Variants in SSC5D observed in about 807,000 individuals in gnomAD.
The protein encoded by SSC5D is scavenger receptor cysteine rich family member with 5 domains.
In SSC5D, 106 loss-of-function variants were observed where a neutral mutation model predicts 104.6. The observed-to-expected ratio is 1.01, with a 90% CI of 0.87 to 1.19. The LOEUF is 1.19. SSC5D is among the 50% of genes most tolerant of loss of function. SSC5D has a pLI of 0.00. For synonymous variants in SSC5D, 860 were observed against 883.5 expected (o/e 0.97, Z 0.47); for missense variants, 1,993 against 2,153.8 (o/e 0.93, Z 1.48).
intron 12 of SSC5D, among the ~76,000 whole-genome samples, chr19:55,512,299 G>GTA (rs1341148580): frequency 1.4e-5 from 2 of 142,328 alleles, no homozygotes; most frequent in Non-Finnish European, 3.0e-5. Context: ...ATACATATAT[G>GTA]TATATATATT....
chr19:55,516,459 T>C (rs1294497832), intron 13 of SSC5D, among the ~76,000 whole-genome samples: 2 of 150,450 alleles, frequency 1.3e-5, no homozygotes, highest in African/African-American at 4.9e-5. Context: ...ATCACGCCAC[T>C]GCACTCCAGC....
chr19:55,489,405 T>C lies in SSC5D; in HGVS notation c.104T>C (p.Val35Ala), dbSNP rs1159932978. ...GPHGCAGRLE[V>A]WHGGRWGTVC... Reference sequence around the variant, plus strand: ...CATGGGTGCGCTGGCCGCCTGGAGGTCTGGCATGGCGGGCGCTGGGGCACC... The same window carrying C: ...CATGGGTGCGCTGGCCGCCTGGAGGCCTGGCATGGCGGGCGCTGGGGCACC... The change falls in exon 3 of 14, where the codon GTC (valine) becomes GCC (alanine). Residue 35 changes from valine (V) to alanine (A), a missense_variant. Around this residue, in one of 6 missense-constraint regions of SSC5D, gnomAD observed 1,101 missense variants for 1,085.0 expected, o/e 1.01. Coordinates refer to ENST00000389623, the MANE Select transcript of SSC5D (RefSeq NM_001144950.2). The C allele has an allele frequency of 6.7e-7, 1 of 1,489,496 alleles. No individual in the cohort carries two copies. Among genetic ancestry groups the C allele is most frequent in the Non-Finnish European group, 8.9e-7 (1 of 1,126,574 alleles). 92.3% of individuals were successfully genotyped at this position (1,489,496 alleles called of 1,614,324 possible). A position where few individuals can be genotyped will look rare whatever the true frequency, so the allele number is the denominator to read the frequency against.
intron 8 of SSC5D, among the ~76,000 whole-genome samples, chr19:55,495,233 A>ATATATTTATATATTTATTTTTTTTTT (rs1555765051): frequency 2.0e-5 from 1 of 50,668 alleles, no homozygotes; most frequent in African/African-American, 9.8e-5. Flanking sequence ...ATATATATAT[A>ATATATTTATATATTTATTTTTTTTTT]TTTTTTTTTT....
chr19:55,500,002 G>A lies in SSC5D; in HGVS notation c.1892G>A (p.Trp631Ter), dbSNP rs1348141061. 1 of 1,551,728 alleles carries A rather than the reference G, an allele frequency of 6.4e-7. No homozygotes were observed. The highest frequency in any genetic ancestry group is 1.2e-5 in the South Asian group (1 of 84,048). Residue 631 changes from tryptophan to a stop codon, truncating the protein, a stop_gained, in exon 10 of 14, where the codon TGG becomes TAG. Transcript: ENST00000389623. LOFTEE classifies it high-confidence loss of function. The surrounding 1 kb of genome is among the most constrained non-coding windows in gnomAD (Gnocchi z 4.6). ...AAAATGCCTAAGAGTACTAAGAAGT[G>A]GGTGACAAAAAATGCAAAGAGACCA... ...PGKMPKSTKK[W>*]VTKNAKRPTT... is the part of the protein sequence containing the mutation.
Position 55,499,344 on chromosome 19 carries a change from CG to C in SSC5D, c.1706-470del, listed in dbSNP as rs536206636. ...GAGGCATCACCTCTGCTGGAAGCTA[CG>C]GCTCTTCCCTCTGTCCCCGTCTTCC... On this transcript the variant is annotated intron_variant, in intron 9 of 13. Coordinates refer to ENST00000389623, the MANE Select transcript of SSC5D (RefSeq NM_001144950.2). Among the ~76,000 whole-genome samples the C allele has an allele frequency of 3.2e-4, 48 of 152,344 alleles. 2 individuals carry two copies. Among genetic ancestry groups the C allele is most frequent in the African/African-American group, 1.1e-3 (44 of 41,578 alleles).
chr19:55,506,433 C>T lies in SSC5D; in HGVS notation c.2785+5232C>T, dbSNP rs185070829. The stretch of plus-strand genomic sequence containing the variant: ...TTTTTGAGACGGAGTCTCGCTCTGT[C>T]GCCCAGGCTGGAGTGCAGTGGCGTG... On this transcript the variant is annotated intron_variant, in intron 12 of 13. Transcript: ENST00000389623. Among the ~76,000 whole-genome samples, 299 of 116,744 alleles carry T rather than the reference C, an allele frequency of 2.6e-3. 2 individuals are homozygous for T. Among genetic ancestry groups the T allele is most frequent in the African/African-American group, 9.0e-3 (271 of 30,000 alleles). 76.6% of individuals were successfully genotyped at this position (116,744 alleles called of 152,430 possible). A position where few individuals can be genotyped will look rare whatever the true frequency, so the allele number is the denominator to read the frequency against.
chr19:55,488,983 C>T (rs1386003727), intron 1 of SSC5D, 23 bp from the exon 2 acceptor site: 1 of 1,305,704 alleles, frequency 7.7e-7, no homozygotes, highest in Non-Finnish European at 9.8e-7. Flanking sequence ...TCACACTGCC[C>T]CACCCTCCGC....
intron 12 of SSC5D, among the ~76,000 whole-genome samples, chr19:55,511,569 A>G (rs995884772): frequency 3.3e-5 from 5 of 152,176 alleles, no homozygotes; most frequent in African/African-American, 1.2e-4. Context: ...CCTTGTACCC[A>G]TGAATCCCTG....
chr19:55,504,514 T>G (rs961335476), intron 12 of SSC5D, among the ~76,000 whole-genome samples: 1 of 152,198 alleles, frequency 6.6e-6, no homozygotes, highest in African/African-American at 2.4e-5. Context: ...TATTTATTAT[T>G]TATTGAGACG....
At position 55,490,342 on chromosome 19, in the gene SSC5D, A is replaced by T; in HGVS notation, c.520A>T (p.Ser174Cys). 6.6e-7 allele frequency: 1 copy of T among 1,509,122 alleles called. No homozygotes were observed. The highest frequency in any genetic ancestry group is 9.0e-7 in the Non-Finnish European group (1 of 1,114,212). The allele number at this position is 1,509,122 out of a possible 1,614,324, so 93.5% of individuals were successfully genotyped here. A position where few individuals can be genotyped will look rare whatever the true frequency, so the allele number is the denominator to read the frequency against. ...GNPQNASRKKSPRPKQAKSTR... is the reference protein window; with the variant it reads ...GNPQNASRKKCPRPKQAKSTR... ...CCCCCAGAACGCCTCCCGGAAGAAG[A>T]GCCCCCGGCCCAAGCAGGCCAAGTC... The change falls in exon 5 of 14, where the codon AGC becomes TGC. Residue 174 changes from serine to cysteine, a missense_variant. By Grantham distance (112) the Ser-to-Cys change is moderately radical. This residue lies in a region of SSC5D where 1,101 missense variants were observed against 1,085.0 expected (regional missense o/e 1.01). Coordinates refer to ENST00000389623, the MANE Select transcript of SSC5D (RefSeq NM_001144950.2).
At chr19:55,507,079 G>A (rs1987651442) in intron 12 of SSC5D, among the ~76,000 whole-genome samples, 2 of 151,986 alleles carry the variant, frequency 1.3e-5, no homozygotes, top group Admixed American at 1.3e-4. Flanking sequence ...TGAGGCAGGA[G>A]AATCGCTTGA....
At chr19:55,493,383 C>T (rs1461185580) in intron 6 of SSC5D, among the ~76,000 whole-genome samples, 4 of 152,228 alleles carry the variant, frequency 2.6e-5, no homozygotes, top group Non-Finnish European at 5.9e-5. Context: ...CCCCAGCCCC[C>T]ACCGCCCCAA....
At chr19:55,511,267 C>T (rs572377711) in intron 12 of SSC5D, among the ~76,000 whole-genome samples, 3 of 152,158 alleles carry the variant, frequency 2.0e-5, no homozygotes, top group African/African-American at 4.8e-5. Flanking sequence ...GTTCTATCAG[C>T]GTGCAGTGTC....
chr19:55,496,469 T>C (rs1987328824), intron 8 of SSC5D, among the ~76,000 whole-genome samples: 1 of 152,202 alleles, frequency 6.6e-6, no homozygotes, highest in Admixed American at 6.5e-5. Context: ...AGAGGTCTCG[T>C]TCCCCTTTTC....
rs1472807296 is a variant in SSC5D, at chr19:55,500,901, G to C, written c.2617+97G>C. On this transcript the variant is annotated intron_variant, in intron 11 of 13. Coordinates refer to ENST00000389623, the MANE Select transcript of SSC5D (RefSeq NM_001144950.2). The surrounding 1 kb of genome is among the most constrained non-coding windows in gnomAD (Gnocchi z 4.6). The stretch of plus-strand genomic sequence containing the variant: ...TGACGGCACCATGGTCGACTCTAAA[G>C]AACTGGGTATGAGGGGTCGGGGTGG... 3.4e-6 allele frequency: 5 copies of C among 1,491,634 alleles called. No individual in the cohort carries two copies. The highest frequency in any genetic ancestry group is 1.8e-6 in the Non-Finnish European group (2 of 1,106,398). 92.4% of individuals were successfully genotyped at this position (1,491,634 alleles called of 1,614,324 possible).
chr19:55,515,116 G>A (rs552043079), intron 13 of SSC5D, among the ~76,000 whole-genome samples: 7 of 152,264 alleles, frequency 4.6e-5, no homozygotes, highest in African/African-American at 1.4e-4. Context: ...TAAGAGCACC[G>A]GGCATGGTGG....
chr19:55,492,953 C>T (rs1329387881), intron 6 of SSC5D: 1 of 152,024 alleles, frequency 6.6e-6, no homozygotes, highest in East Asian at 1.9e-4. Context: ...TTCCTTGGGT[C>T]CAGGAGGTCG....
chr19:55,515,625 G>C (rs969306131), intron 13 of SSC5D, among the ~76,000 whole-genome samples: 8 of 151,680 alleles, frequency 5.3e-5, no homozygotes, highest in African/African-American at 1.9e-4. Context: ...CCAGCTTCTC[G>C]GGAGGCTGAG....
intron 1 of SSC5D, 37 bp from the exon 2 acceptor site, chr19:55,488,969 C>T: frequency 9.2e-7 from 1 of 1,086,224 alleles, no homozygotes; most frequent in Non-Finnish European, 1.1e-6. Context: ...CCCCGGCCTG[C>T]CCCTCACACT....
Sources: gnomAD v4.1 joint callset for allele counts (sites outside exome capture counted in the v4.1 genomes callset) on GRCh38, gnomAD v4.1.1 for gene constraint, gnomAD v4.1.1 regional missense constraint, Gnocchi (gnomAD v3.1) non-coding constraint, MANE v1.5 for transcripts, NCBI Gene and HGNC (gene_info 2026-07-23, HGNC 2026-07-21) for gene names.